Variants in ST3GAL2 observed in about 807,000 individuals in gnomAD.
The protein encoded by ST3GAL2 is ST3 beta-galactoside alpha-2,3-sialyltransferase 2.
A neutral mutation model predicts 37.5 loss-of-function variants in ST3GAL2; 16 were observed. The observed-to-expected ratio is 0.43, with a 90% CI of 0.29 to 0.65. ST3GAL2 has a LOEUF of 0.65. Ranked by LOEUF, ST3GAL2 falls within the 30% of genes least tolerant of loss-of-function variation. ST3GAL2 has a pLI of 0.17. For missense variants in ST3GAL2, 383 were observed against 487.8 expected, an observed-to-expected ratio of 0.79 and a Z score of 2.02; for synonymous variants, 238 against 202.9, an observed-to-expected ratio of 1.17 and a Z score of -1.47.
At chr16:70,419,320 T>C (rs2047697833) in intron 1 of ST3GAL2, among the ~76,000 whole-genome samples, 2 of 152,138 alleles carry the variant, frequency 1.3e-5, no homozygotes, top group Non-Finnish European at 2.9e-5. Flanking sequence ...AAATCCACCA[T>C]CTATCCCCAG....
chr16:70,433,315 A>G (rs764103374), intron 1 of ST3GAL2, among the ~76,000 whole-genome samples: 3 of 151,686 alleles, frequency 2.0e-5, no homozygotes, highest in Non-Finnish European at 4.4e-5. Flanking sequence ...CTGTCCCCTT[A>G]TGACCCAGCC....
At chr16:70,424,364 G>C (rs949806736) in intron 1 of ST3GAL2, among the ~76,000 whole-genome samples, 1 of 150,628 alleles carries the variant, frequency 6.6e-6, no homozygotes, top group South Asian at 2.1e-4. Flanking sequence ...CACTTTGGGA[G>C]GCCGAGGCAG....
At chr16:70,386,668 A>G (rs1013216182) in intron 4 of ST3GAL2, among the ~76,000 whole-genome samples, 3 of 151,814 alleles carry the variant, frequency 2.0e-5, no homozygotes, top group African/African-American at 4.8e-5. Context: ...TTTTTGAGAC[A>G]GAGTTTTGCT....
intron 1 of ST3GAL2, among the ~76,000 whole-genome samples, chr16:70,431,271 C>G (rs762754742): frequency 2.0e-5 from 3 of 152,228 alleles, no homozygotes; most frequent in South Asian, 4.1e-4. Context: ...CCCTGTAGAC[C>G]AATTAGCTAT....
chr16:70,408,896 A>C (rs1401488220), intron 1 of ST3GAL2, among the ~76,000 whole-genome samples: 9 of 72,710 alleles, frequency 1.2e-4, no homozygotes, highest in African/African-American at 2.2e-4. Flanking sequence ...GAAACAAAAA[A>C]AAAAAAAAAA....
At position 70,424,545 on chromosome 16, in the gene ST3GAL2, G is replaced by A. The variant is rs866190470; in HGVS notation, c.-1004+14404C>T. On this transcript the variant is annotated intron_variant, in intron 1 of 6. Transcript: ENST00000342907. ...GAACCCGGGAGGTGGAGGTCGCGGT[G>A]AGCCGAGATTGTGCCATGGCACTCC... Among the ~76,000 whole-genome samples the A allele has an allele frequency of 2.2e-4, 33 of 151,866 alleles. 1 individual carries two copies. The highest frequency in any genetic ancestry group is 8.3e-4 in the South Asian group (4 of 4,802).
At chr16:70,404,787 C>A (rs528755986) in intron 1 of ST3GAL2, among the ~76,000 whole-genome samples, 6 of 152,158 alleles carry the variant, frequency 3.9e-5, no homozygotes, top group Non-Finnish European at 5.9e-5. Flanking sequence ...GTAATCCCAG[C>A]ACTTTGGGAG....
intron 1 of ST3GAL2, among the ~76,000 whole-genome samples, chr16:70,431,609 G>GA (rs2047790270): frequency 6.6e-6 from 1 of 151,476 alleles, no homozygotes; most frequent in Non-Finnish European, 1.5e-5. Flanking sequence ...AGGATCACTT[G>GA]AAGCCAGGAG....
At chr16:70,408,988 G>A (rs1240210875) in intron 1 of ST3GAL2, among the ~76,000 whole-genome samples, 1 of 148,132 alleles carries the variant, frequency 6.8e-6, no homozygotes, top group Non-Finnish European at 1.5e-5. Flanking sequence ...GGCACGGGGA[G>A]AGGGTGCGGC....
chr16:70,423,679 T>G (rs908077072), intron 1 of ST3GAL2, among the ~76,000 whole-genome samples: 4 of 151,474 alleles, frequency 2.6e-5, no homozygotes, highest in Non-Finnish European at 5.9e-5. Context: ...CAATGATTTT[T>G]TTTTTTTTTT....
chr16:70,402,783 G>A (rs1275707359), intron 1 of ST3GAL2, among the ~76,000 whole-genome samples: 1 of 152,168 alleles, frequency 6.6e-6, no homozygotes, highest in Non-Finnish European at 1.5e-5. Context: ...CTGAGTAGCT[G>A]GGATTACAGG....
At chr16:70,427,880 C>T (rs936384721) in intron 1 of ST3GAL2, among the ~76,000 whole-genome samples, 1 of 152,206 alleles carries the variant, frequency 6.6e-6, no homozygotes, top group African/African-American at 2.4e-5. Context: ...CACTTAAGCC[C>T]CAGATCTACT....
intron 1 of ST3GAL2, among the ~76,000 whole-genome samples, chr16:70,413,560 CAAAAAAAAAAAAAA>C (rs978301918): frequency 3.1e-5 from 1 of 32,086 alleles, no homozygotes; most frequent in Non-Finnish European, 1.2e-4. Context: ...ATCAAAAATA[CAAAAAAAAAAAAAA>C]AAAAAAAAAA....
chr16:70,430,448 C>T (rs770119721), intron 1 of ST3GAL2, among the ~76,000 whole-genome samples: 1 of 152,224 alleles, frequency 6.6e-6, no homozygotes, highest in Non-Finnish European at 1.5e-5. Context: ...TCTTGGGCTG[C>T]ACCTCCTTGA....
intron 1 of ST3GAL2, among the ~76,000 whole-genome samples, chr16:70,417,176 T>C (rs187771882): frequency 1.3e-5 from 2 of 152,274 alleles, no homozygotes; most frequent in East Asian, 1.9e-4. Flanking sequence ...TCTACCTCCA[T>C]GGCTATGGTC....
At chr16:70,387,834 G>T (rs1204049248) in intron 4 of ST3GAL2, among the ~76,000 whole-genome samples, 1 of 152,156 alleles carries the variant, frequency 6.6e-6, no homozygotes, top group Admixed American at 6.5e-5. Context: ...AGATGGTCTG[G>T]CCGGGTGCGG....
In ST3GAL2 at chr16:70,376,674, C is replaced by T. The variant is rs555745605; in HGVS notation, c.*5015G>A. 1.3e-5 allele frequency: 2 copies of T among 152,278 alleles called. No homozygotes were observed. The highest frequency in any genetic ancestry group is 6.5e-5 in the Admixed American group (1 of 15,276). 9.4% of individuals were successfully genotyped at this position (152,278 alleles called of 1,614,324 possible). On this transcript the variant is annotated 3_prime_UTR_variant, in exon 7 of 7. Transcript: ENST00000342907. ...AAATATAGTTTCAGTATTTTACCTT[C>T]CCTGATGCCTCTGACCTTGCCAGAC...
chr16:70,405,629 T>G (rs964625695), intron 1 of ST3GAL2, among the ~76,000 whole-genome samples: 1 of 147,710 alleles, frequency 6.8e-6, no homozygotes. Flanking sequence ...ATGTACAGAA[T>G]AGGCAAATCC....
At chr16:70,387,743 G>A (rs777944923) in intron 4 of ST3GAL2, among the ~76,000 whole-genome samples, 1 of 151,980 alleles carries the variant, frequency 6.6e-6, no homozygotes, top group Non-Finnish European at 1.5e-5. Flanking sequence ...GGCTATGATG[G>A]GACAACTACC....
Sources: allele counts gnomAD v4.1 joint callset (sites outside exome capture counted in the v4.1 genomes callset), GRCh38; gene constraint gnomAD v4.1.1; transcripts MANE v1.5; gene names NCBI Gene and HGNC (gene_info 2026-07-23, HGNC 2026-07-21).